Variants in COPS4 observed in about 807,000 individuals in gnomAD.
COPS4 encodes the protein COP9 signalosome subunit 4.
COPS4 carries 8 observed loss-of-function variants against 55.1 expected under a neutral mutation model. That is an observed-to-expected ratio of 0.15 (90% confidence interval 0.09 to 0.26). COPS4 has a LOEUF of 0.26. Among genes scored for constraint, COPS4 ranks in the 10% least tolerant of loss-of-function variants. COPS4 has a pLI of 1.00. For synonymous variants in COPS4, 185 were observed against 165.7 expected, an observed-to-expected ratio of 1.12 and a Z score of -0.90; for missense variants, 248 against 484.0, an observed-to-expected ratio of 0.51 and a Z score of 4.58.
At chr4:83,045,914 TATAATAGCTGATA>T (rs1730699372) in intron 2 of COPS4, among the ~76,000 whole-genome samples, 1 of 152,182 alleles carries the variant, frequency 6.6e-6, no homozygotes, top group African/African-American at 2.4e-5. Flanking sequence ...TGTTTATTGT[TATAATAGCTGATA>T]AGGGACAATA....
chr4:83,074,351 G>A (rs946562831), intron 9 of COPS4, among the ~76,000 whole-genome samples: 9 of 151,910 alleles, frequency 5.9e-5, no homozygotes, highest in Admixed American at 2.6e-4. Flanking sequence ...TTTATACCTT[G>A]TGCCAGTAAT....
At chr4:83,050,985 A>G (rs1316385049) in intron 4 of COPS4, among the ~76,000 whole-genome samples, 1 of 151,872 alleles carries the variant, frequency 6.6e-6, no homozygotes, top group African/African-American at 2.4e-5. Flanking sequence ...GAGACCAGGT[A>G]CAGTGGCTCA....
At chr4:83,059,596 A>G (rs182751200) in intron 6 of COPS4, among the ~76,000 whole-genome samples, 1 of 152,332 alleles carries the variant, frequency 6.6e-6, no homozygotes, top group Admixed American at 6.5e-5. Context: ...TATTTTTCCA[A>G]AGCAAAAAAT....
rs533522751 is a variant in COPS4 at position 83,046,500 on chromosome 4, A to G, written c.154+795A>G. On this transcript the variant is annotated intron_variant, in intron 2 of 9. Transcript: ENST00000264389. ...CCACATGCACTTGTATATTCGCCAT[A>G]TTGCTATTCACAATAAGGAAGGCAT... Among the ~76,000 whole-genome samples the G allele has an allele frequency of 1.6e-3, 237 of 152,350 alleles. 1 individual carries two copies. Among genetic ancestry groups the G allele is most frequent in the African/African-American group, 4.6e-3 (193 of 41,582 alleles).
chr4:83,060,852 T>C (rs1278977949), intron 6 of COPS4, among the ~76,000 whole-genome samples: 2 of 151,618 alleles, frequency 1.3e-5, no homozygotes, highest in African/African-American at 4.8e-5. Context: ...CTGACTAACA[T>C]GGAGAAACCT....
intron 6 of COPS4, among the ~76,000 whole-genome samples, chr4:83,060,615 T>TA (rs1288787924): frequency 6.6e-6 from 1 of 151,694 alleles, no homozygotes; most frequent in Non-Finnish European, 1.5e-5. Context: ...CGACAGATGG[T>TA]ATAGTTTCTT....
chr4:83,037,524 G>A (rs1730456627), intron 1 of COPS4, among the ~76,000 whole-genome samples: 1 of 152,206 alleles, frequency 6.6e-6, no homozygotes. Context: ...TCTGAGAAAA[G>A]TCTTGGCCTT....
chr4:83,064,647 T>G (rs963249548), intron 7 of COPS4, among the ~76,000 whole-genome samples: 1 of 151,988 alleles, frequency 6.6e-6, no homozygotes, highest in African/African-American at 2.4e-5. Flanking sequence ...CAGGTTAGAG[T>G]GCACTGGTGC....
intron 1 of COPS4, among the ~76,000 whole-genome samples, chr4:83,041,670 G>T (rs1471908238): frequency 6.6e-6 from 1 of 151,844 alleles, no homozygotes; most frequent in Non-Finnish European, 1.5e-5. Context: ...GTTTCTCCGT[G>T]TTGGCCAGGC....
At chr4:83,051,125 A>G (rs1318665144) in intron 4 of COPS4, among the ~76,000 whole-genome samples, 3 of 151,008 alleles carry the variant, frequency 2.0e-5, no homozygotes, top group Non-Finnish European at 4.4e-5. Flanking sequence ...AATGCTGGGC[A>G]TGATGGCACA....
chr4:83,064,960 T>A (rs1473057051), intron 7 of COPS4: 1 of 285,464 alleles, frequency 3.5e-6, no homozygotes, highest in Non-Finnish European at 7.0e-6. Flanking sequence ...ATGCCATAGC[T>A]CACTGCAGCC....
chr4:83,057,380 T>G lies in COPS4; in HGVS notation c.687T>G (p.Ala229=), dbSNP rs748934323. The G allele has an allele frequency of 8.7e-6, 14 of 1,607,506 alleles. No homozygotes were observed. The South Asian group carries it at 1.6e-4, about 18-fold the overall frequency. ...ESERLEALKH[A]LHCTILASAG... ...AAAGACTAGAGGCCTTAAAACATGC[T>G]TTGCACTGTACGATCTTAGCATCAG... The change falls in exon 6 of 10, where the codon GCT becomes GCG. Residue 229 remains alanine, a synonymous_variant. Coordinates refer to ENST00000264389, the MANE Select transcript of COPS4 (RefSeq NM_016129.3).
chr4:83,068,163 G>A (rs781516437), intron 8 of COPS4, among the ~76,000 whole-genome samples: 1 of 152,116 alleles, frequency 6.6e-6, no homozygotes, highest in African/African-American at 2.4e-5. Context: ...AAGAAAAATT[G>A]ATAGTTTGCT....
In COPS4 at chr4:83,063,077, G is replaced by A. The variant is rs1370248665; in HGVS notation, c.717G>A (p.Gly239=). Residue 239 remains glycine (G), a splice_region_variant and synonymous_variant, in exon 7 of 10, where the codon GGG becomes GGA. Coordinates refer to ENST00000264389, the MANE Select transcript of COPS4 (RefSeq NM_016129.3). ...TTGATGCTCATTTATTTCTCTTAGG[G>A]CAGCAGCGTTCTCGGATGCTAGCTA... is the stretch of plus-strand genomic sequence containing the variant. ...ALHCTILASA[G]QQRSRMLATL... is the part of the protein sequence containing the mutation. 2 of 1,548,268 alleles carry A rather than the reference G, an allele frequency of 1.3e-6. No individual in the cohort carries two copies. The highest frequency in any genetic ancestry group is 1.7e-6 in the Non-Finnish European group (2 of 1,154,322).
intron 4 of COPS4, among the ~76,000 whole-genome samples, chr4:83,055,785 TATC>T (rs1156338729): frequency 6.6e-6 from 1 of 152,162 alleles, no homozygotes; most frequent in African/African-American, 2.4e-5. Flanking sequence ...TCACCAATAA[TATC>T]ATAATGGGTG....
At chr4:83,048,726 C>T (rs1435956662) in intron 2 of COPS4, among the ~76,000 whole-genome samples, 1 of 152,120 alleles carries the variant, frequency 6.6e-6, no homozygotes, top group African/African-American at 2.4e-5. Context: ...ACTGCAACCC[C>T]AGCCTCCCAG....
At chr4:83,045,747 G>C (rs538422237) in intron 2 of COPS4, 42 bp downstream of exon 2, 1 of 1,366,288 alleles carries the variant, frequency 7.3e-7, no homozygotes, top group South Asian at 1.2e-5. Context: ...GTATTACTGA[G>C]CTAGGACTTT....
At chr4:83,051,247 A>G (rs182815778) in intron 4 of COPS4, among the ~76,000 whole-genome samples, 1 of 151,700 alleles carries the variant, frequency 6.6e-6, no homozygotes, top group Non-Finnish European at 1.5e-5. Flanking sequence ...CTACAAAAAA[A>G]TTTTTTTTTG....
chr4:83,063,574 A>G (rs1731226540), intron 7 of COPS4, among the ~76,000 whole-genome samples: 1 of 149,722 alleles, frequency 6.7e-6, no homozygotes, highest in Non-Finnish European at 1.5e-5. Context: ...CGCCTGGCTA[A>G]TTTTTTGTAC....
Sources: gnomAD v4.1 joint callset for allele counts (sites outside exome capture counted in the v4.1 genomes callset) on GRCh38, gnomAD v4.1.1 for gene constraint, MANE v1.5 for transcripts, NCBI Gene and HGNC (gene_info 2026-07-23, HGNC 2026-07-21) for gene names.